The following DLGAP1 variants were observed in gnomAD, a reference collection of about 807,000 sequenced individuals.
DLGAP1 encodes the protein disks large-associated protein 1.
Under a neutral mutation model 90.8 loss-of-function variants are expected in DLGAP1, and 11 were observed. That is an observed-to-expected ratio of 0.12 (90% CI 0.08 to 0.20). The LOEUF is 0.20. DLGAP1 is among the 10% of genes least tolerant of loss of function. The pLI is 1.00. For missense variants in DLGAP1, 1,050 were observed against 1,333.8 expected (o/e 0.79, Z 3.31); for synonymous variants, 558 against 540.7 (o/e 1.03, Z -0.44).
At chr18:3,821,525 TAAACGTTCTCGTG>T (rs1205924348) in intron 4 of DLGAP1, among the ~76,000 whole-genome samples, 12 of 152,292 alleles carry the variant, frequency 7.9e-5, no homozygotes, top group Middle Eastern at 3.4e-3. Flanking sequence ...CAAATAAGCA[TAAACGTTCTCGTG>T]TCACTAATTT....
chr18:3,621,363 G>A (rs1234280755), intron 7 of DLGAP1, among the ~76,000 whole-genome samples: 2 of 152,210 alleles, frequency 1.3e-5, no homozygotes, highest in African/African-American at 4.8e-5. Context: ...TTTGAGACCA[G>A]CCTGGGCAAC....
chr18:4,386,870 A>G (rs1331623461), intron 1 of DLGAP1, among the ~76,000 whole-genome samples: 3 of 152,198 alleles, frequency 2.0e-5, no homozygotes, highest in African/African-American at 7.2e-5. Context: ...GCAAAGAAAG[A>G]AAGATAGGAG....
chr18:4,398,893 G>A (rs1318557388), intron 1 of DLGAP1, among the ~76,000 whole-genome samples: 1 of 152,266 alleles, frequency 6.6e-6, no homozygotes, highest in African/African-American at 2.4e-5. Context: ...GTGCCGTGGC[G>A]TGATCTCGGC....
intron 7 of DLGAP1, among the ~76,000 whole-genome samples, chr18:3,592,385 G>A (rs1227879170): frequency 2.6e-5 from 4 of 152,190 alleles, no homozygotes; most frequent in African/African-American, 4.8e-5. Context: ...ACAAATCAGC[G>A]GTCTGGCTGG....
rs142619953 is a variant in DLGAP1 at position 3,889,418 on chromosome 18, C to CAT, written c.-72-9280_-72-9279dup. ...GCCAGATTTTATATATACATACATG[C>CAT]ATATATATATATATATTTACCTGAA... is the stretch of plus-strand genomic sequence containing the variant. On this transcript the variant is annotated intron_variant, in intron 3 of 12. Coordinates refer to ENST00000315677, the MANE Select transcript of DLGAP1 (RefSeq NM_004746.4). Among the ~76,000 whole-genome samples, 1,084 of 149,672 alleles carry CAT rather than the reference C, an allele frequency of 7.2e-3. 13 individuals carry two copies. The highest frequency in any genetic ancestry group is 0.021 in the African/African-American group (854 of 40,954).
chr18:3,535,072 CTGTGTGTGTGTGTGTGTGTG>C (rs111975324), intron 9 of DLGAP1, among the ~76,000 whole-genome samples: 1 of 144,642 alleles, frequency 6.9e-6, no homozygotes, highest in Non-Finnish European at 1.5e-5. Context: ...TCAATCTTCT[CTGTGTGTGTGTGTGTGTGTG>C]TGTGTGTGTG....
At chr18:3,929,709 G>C (rs935452609) in intron 3 of DLGAP1, among the ~76,000 whole-genome samples, 1 of 152,180 alleles carries the variant, frequency 6.6e-6, no homozygotes, top group African/African-American at 2.4e-5. Flanking sequence ...AGGAGAAACA[G>C]TAATACAACC....
intron 3 of DLGAP1, among the ~76,000 whole-genome samples, chr18:3,960,777 G>A (rs905949309): frequency 1.3e-4 from 20 of 152,308 alleles, no homozygotes; most frequent in Admixed American, 8.5e-4. Flanking sequence ...CTCCCTGCAG[G>A]TGCCTGCTCC....
In DLGAP1 at chr18:3,880,072, G is replaced by A. The variant is rs769199307; in HGVS notation, c.-4C>T. 3.3e-5 allele frequency: 53 copies of A among 1,598,546 alleles called. No individual in the cohort carries two copies. Among genetic ancestry groups the A allele is most frequent in the Non-Finnish European group, 4.2e-5 (50 of 1,179,474 alleles). The stretch of plus-strand genomic sequence containing the variant: ...GGCTGCCTGATAGCCCTTTCATGGC[G>A]GACCGGAAGCAGCCGCCAGGGTCAT... On this transcript the variant is annotated 5_prime_UTR_variant, in exon 4 of 13. Transcript: ENST00000315677.
chr18:4,112,563 A>G (rs1325938576), intron 2 of DLGAP1, among the ~76,000 whole-genome samples: 5 of 152,000 alleles, frequency 3.3e-5, no homozygotes, highest in Admixed American at 6.6e-5. Flanking sequence ...AGTTCTGTCA[A>G]TTGCTGTTGT....
At chr18:3,522,063 G>C (rs2051228454) in intron 10 of DLGAP1, among the ~76,000 whole-genome samples, 1 of 150,988 alleles carries the variant, frequency 6.6e-6, no homozygotes, top group African/African-American at 2.4e-5. Flanking sequence ...TGTGTTTGTG[G>C]ATGATGAATT....
At position 3,590,670 on chromosome 18, in the gene DLGAP1, C is replaced by T. The variant is rs150657236; in HGVS notation, c.1592-8422G>A. Among the ~76,000 whole-genome samples the T allele has an allele frequency of 6.0e-3, 917 of 152,182 alleles. 8 individuals are homozygous for T. The highest frequency in any genetic ancestry group is 0.01 in the Middle Eastern group (3 of 294). The stretch of plus-strand genomic sequence containing the variant: ...AGGAGTTTGAGACCATCCTGGCGAA[C>T]ATGGTGAAACCCTGTCTCTACTAAA... On this transcript the variant is annotated intron_variant, in intron 7 of 12. Transcript: ENST00000315677.
intron 1 of DLGAP1, among the ~76,000 whole-genome samples, chr18:4,449,897 A>G (rs2083775573): frequency 6.6e-6 from 1 of 152,172 alleles, no homozygotes; most frequent in Non-Finnish European, 1.5e-5. Context: ...GAATCAAGTG[A>G]GTCTTATCTG....
chr18:3,538,400 A>G (rs868217639), intron 9 of DLGAP1, among the ~76,000 whole-genome samples: 46 of 151,692 alleles, frequency 3.0e-4, no homozygotes, highest in Admixed American at 1.4e-3. Flanking sequence ...AAGAAAAAGA[A>G]AAAAAAAATC....
intron 1 of DLGAP1, among the ~76,000 whole-genome samples, chr18:4,431,723 CT>C (rs1357630010): frequency 1.3e-5 from 2 of 152,136 alleles, no homozygotes; most frequent in African/African-American, 2.4e-5. Flanking sequence ...TGTACTTTTT[CT>C]GATTTTCACC....
chr18:3,879,289 G>A lies in DLGAP1; in HGVS notation c.780C>T (p.Ser260=), dbSNP rs374427159. ...ASRSNNDVKC[S]TCANLPVSLD... ...GGCTGACCGGCAGGTTGGCGCAGGT[G>A]GAGCACTTGACGTCGTTGTTGCTCC... The change falls in exon 4 of 13, where the codon TCC becomes TCT. Residue 260 remains serine (S), a synonymous_variant. Transcript: ENST00000315677. The surrounding 1 kb of genome is among the most constrained non-coding windows in gnomAD (Gnocchi z 6.6). The A allele has an allele frequency of 1.9e-6, 3 of 1,596,948 alleles. No homozygotes were observed. The highest frequency in any genetic ancestry group is 8.5e-7 in the Non-Finnish European group (1 of 1,171,100).
At chr18:4,069,819 A>C (rs2075421599) in intron 2 of DLGAP1, among the ~76,000 whole-genome samples, 1 of 152,226 alleles carries the variant, frequency 6.6e-6, no homozygotes, top group African/African-American at 2.4e-5. Flanking sequence ...TGGCCAATTT[A>C]TCTCTTCATT....
chr18:3,503,232 G>A (rs2050039797), intron 11 of DLGAP1, among the ~76,000 whole-genome samples: 1 of 152,054 alleles, frequency 6.6e-6, no homozygotes, highest in Admixed American at 6.5e-5. Flanking sequence ...TGACTGCTTT[G>A]ACAAAATCAT....
chr18:4,028,947 A>C (rs2074748644), intron 2 of DLGAP1, among the ~76,000 whole-genome samples: 1 of 152,070 alleles, frequency 6.6e-6, no homozygotes, highest in African/African-American at 2.4e-5. Flanking sequence ...CCCATGTTGG[A>C]CACTAGGGCT....
Sources: gnomAD v4.1 joint callset for allele counts (sites outside exome capture counted in the v4.1 genomes callset) on GRCh38, gnomAD v4.1.1 for gene constraint, Gnocchi (gnomAD v3.1) non-coding constraint, MANE v1.5 for transcripts, NCBI Gene and HGNC (gene_info 2026-07-23, HGNC 2026-07-21) for gene names.